Variants in SORCS1 observed in about 807,000 individuals in gnomAD.
SORCS1 encodes the protein VPS10 domain-containing receptor SorCS1.
SORCS1 carries 60 observed loss-of-function variants against 146.1 expected under a neutral mutation model. The observed-to-expected ratio is 0.41, with a 90% CI of 0.33 to 0.51. The LOEUF (loss-of-function observed/expected upper bound fraction) is 0.51. Among genes scored for constraint, SORCS1 ranks in the 20% least tolerant of loss-of-function variants. The probability of loss-of-function intolerance (pLI) is 0.21; values close to 1 mark genes in which losing one functional copy is unlikely to be tolerated. For missense variants in SORCS1, 1,352 were observed against 1,487.6 expected (o/e 0.91, Z 1.50); for synonymous variants, 637 against 584.0 (o/e 1.09, Z -1.31).
At chr10:106,907,406 T>C (rs1014623902) in intron 2 of SORCS1, among the ~76,000 whole-genome samples, 14 of 152,150 alleles carry the variant, frequency 9.2e-5, no homozygotes, top group African/African-American at 3.4e-4. Context: ...TATATTGTCA[T>C]TAAACTAACT....
chr10:107,081,140 T>G (rs938706817), intron 1 of SORCS1, among the ~76,000 whole-genome samples: 1 of 152,126 alleles, frequency 6.6e-6, no homozygotes, highest in Non-Finnish European at 1.5e-5. Context: ...CTCTAAACAC[T>G]CTGCTGAACT....
chr10:106,844,016 G>T (rs1949189198), intron 2 of SORCS1, among the ~76,000 whole-genome samples: 1 of 152,140 alleles, frequency 6.6e-6, no homozygotes. Flanking sequence ...CCCACCACAA[G>T]TGTACAAGGG....
chr10:106,685,619 T>C (rs1158024289), intron 10 of SORCS1, among the ~76,000 whole-genome samples: 1 of 152,054 alleles, frequency 6.6e-6, no homozygotes, highest in African/African-American at 2.4e-5. Flanking sequence ...AAGAGATACA[T>C]GAACATGGTG....
intron 24 of SORCS1, among the ~76,000 whole-genome samples, chr10:106,590,007 T>A (rs960640236): frequency 3.3e-5 from 5 of 152,156 alleles, no homozygotes; most frequent in African/African-American, 7.2e-5. Context: ...AGCATATTAT[T>A]TTTCCTGAAT....
intron 1 of SORCS1, among the ~76,000 whole-genome samples, chr10:107,033,590 C>T (rs1958764619): frequency 6.6e-6 from 1 of 152,208 alleles, no homozygotes; most frequent in African/African-American, 2.4e-5. Flanking sequence ...TTTCTCTATG[C>T]TAAGCTCTTA....
chr10:107,112,161 CA>C (rs1335413833), intron 1 of SORCS1, among the ~76,000 whole-genome samples: 2 of 150,408 alleles, frequency 1.3e-5, no homozygotes, highest in Admixed American at 1.3e-4. Context: ...AGTTAAAAAG[CA>C]TAAAAAAAAA....
At chr10:107,059,763 C>T (rs1960998866) in intron 1 of SORCS1, among the ~76,000 whole-genome samples, 1 of 151,974 alleles carries the variant, frequency 6.6e-6, no homozygotes, top group Non-Finnish European at 1.5e-5. Context: ...ATGAAAGGGA[C>T]CTCAGAAGTC....
chr10:107,174,773 GATGATT>G, the SORCS1 span, among the ~76,000 whole-genome samples: 1 of 152,106 alleles, frequency 6.6e-6, no homozygotes, highest in Admixed American at 6.5e-5. Context: ...TTGATTGGTT[GATGATT>G]GTTTGGCTAG....
intron 21 of SORCS1, among the ~76,000 whole-genome samples, chr10:106,613,434 A>AAGTCGCTGGCAGAGG (rs1467818338): frequency 6.6e-6 from 1 of 152,140 alleles, no homozygotes; most frequent in Non-Finnish European, 1.5e-5. Flanking sequence ...CTTGGAGCCA[A>AAGTCGCTGGCAGAGG]AGTCGCTGGC....
At chr10:106,786,099 T>A (rs1367194038) in intron 3 of SORCS1, among the ~76,000 whole-genome samples, 1 of 152,194 alleles carries the variant, frequency 6.6e-6, no homozygotes, top group African/African-American at 2.4e-5. Context: ...TAATTCTATC[T>A]CAATATACAT....
At chr10:106,657,622 T>C (rs1850397814) in intron 17 of SORCS1, among the ~76,000 whole-genome samples, 1 of 148,572 alleles carries the variant, frequency 6.7e-6, no homozygotes, top group Non-Finnish European at 1.5e-5. Context: ...ATATATATAA[T>C]AAATATATAT....
chr10:106,634,494 A>T (rs1848619467), intron 18 of SORCS1, among the ~76,000 whole-genome samples: 1 of 152,242 alleles, frequency 6.6e-6, no homozygotes, highest in Non-Finnish European at 1.5e-5. Flanking sequence ...CTAGTTAGAC[A>T]CCTGCAAAAG....
intron 1 of SORCS1, among the ~76,000 whole-genome samples, chr10:107,136,386 T>C (rs1230955893): frequency 6.6e-6 from 1 of 152,160 alleles, no homozygotes; most frequent in Non-Finnish European, 1.5e-5. Context: ...AGCCAAGTTA[T>C]GGGTTCCACA....
intron 10 of SORCS1, among the ~76,000 whole-genome samples, chr10:106,683,338 T>A (rs1852585303): frequency 6.6e-6 from 1 of 152,206 alleles, no homozygotes; most frequent in Admixed American, 6.5e-5. Context: ...ATCTCCCTAT[T>A]TCCCCCAACT....
At chr10:107,073,815 T>C (rs965493888) in intron 1 of SORCS1, among the ~76,000 whole-genome samples, 1 of 152,164 alleles carries the variant, frequency 6.6e-6, no homozygotes, top group Non-Finnish European at 1.5e-5. Context: ...CAGTACTATA[T>C]GGTTGGGAAA....
At chr10:106,888,423 A>G (rs1194447923) in intron 2 of SORCS1, among the ~76,000 whole-genome samples, 2 of 152,208 alleles carry the variant, frequency 1.3e-5, no homozygotes, top group African/African-American at 4.8e-5. Context: ...GACTATCATC[A>G]AAATAAGCAA....
At chr10:106,737,662 T>C (rs1470294643) in intron 5 of SORCS1, among the ~76,000 whole-genome samples, 1 of 151,828 alleles carries the variant, frequency 6.6e-6, no homozygotes, top group Non-Finnish European at 1.5e-5. Flanking sequence ...GAGGCAGGGG[T>C]TGCAGTGAGC....
intron 14 of SORCS1, 46 bp from the exon 15 acceptor site, chr10:106,673,031 A>C: frequency 6.1e-6 from 9 of 1,469,452 alleles, no homozygotes; most frequent in Non-Finnish European, 8.5e-6. Flanking sequence ...ATAACAATGT[A>C]ATGAGTAATA....
In SORCS1 at chr10:106,655,286, T is replaced by C. The variant is rs535623209; in HGVS notation, c.2304-2733A>G. Among the ~76,000 whole-genome samples the C allele has an allele frequency of 3.9e-5, 6 of 152,318 alleles. No individual in the cohort carries two copies. The South Asian group carries it at 6.2e-4, about 16-fold the overall frequency. On this transcript the variant is annotated intron_variant, in intron 17 of 25. Transcript: ENST00000263054. Reference sequence around the variant, plus strand: ...CAGACACTGGTGTATGATAGCATCCTGGTACCAGCAATAGTAGCAAAAAAA... The same window carrying C: ...CAGACACTGGTGTATGATAGCATCCCGGTACCAGCAATAGTAGCAAAAAAA...
Sources: allele counts gnomAD v4.1 joint callset (sites outside exome capture counted in the v4.1 genomes callset), GRCh38; gene constraint gnomAD v4.1.1; transcripts MANE v1.5; gene names NCBI Gene and HGNC (gene_info 2026-07-23, HGNC 2026-07-21).